MPDZ: variants seen among roughly 807,000 people sequenced by gnomAD.
MPDZ encodes the protein multiple PDZ domain protein.
MPDZ carries 234 observed loss-of-function variants against 239.1 expected under a neutral mutation model. The observed-to-expected ratio is 0.98, with a 90% CI of 0.88 to 1.09. The LOEUF is 1.09. MPDZ is among the 50% of genes least tolerant of loss of function. The pLI, the probability that MPDZ is intolerant of heterozygous loss-of-function variation, is 0.00. For missense variants in MPDZ, 3,175 were observed against 2,510.0 expected (o/e 1.26, Z -5.66); for synonymous variants, 1,048 against 881.3 (o/e 1.19, Z -3.35).
chr9:13,207,244 T>C (rs1397490441), intron 10 of MPDZ, among the ~76,000 whole-genome samples: 1 of 152,154 alleles, frequency 6.6e-6, no homozygotes, highest in African/African-American at 2.4e-5. Context: ...GTCCCGGTGA[T>C]CTTTCCAAAA....
chr9:13,201,406 T>C (rs938544768), intron 12 of MPDZ, among the ~76,000 whole-genome samples: 7 of 152,014 alleles, frequency 4.6e-5, no homozygotes, highest in African/African-American at 1.7e-4. Flanking sequence ...GGATTTCCTC[T>C]TTGTATTGAA....
intron 1 of MPDZ, among the ~76,000 whole-genome samples, chr9:13,272,786 A>ATT (rs1239333925): frequency 2.6e-5 from 4 of 151,922 alleles, no homozygotes; most frequent in Non-Finnish European, 5.9e-5. Context: ...AAAATGCAAT[A>ATT]CCCTGGGACA....
chr9:13,120,638 T>G (rs954603387), intron 38 of MPDZ: 3 of 152,252 alleles, frequency 2.0e-5, no homozygotes, highest in African/African-American at 7.2e-5. Context: ...TAAAAATAAT[T>G]AGCCTTTAGC....
At chr9:13,133,457 G>A (rs368685072) in intron 32 of MPDZ, among the ~76,000 whole-genome samples, 21 of 152,078 alleles carry the variant, frequency 1.4e-4, no homozygotes, top group East Asian at 1.2e-3. Context: ...TATAACTTCT[G>A]TTTCTTTATT....
intron 24 of MPDZ, among the ~76,000 whole-genome samples, chr9:13,155,674 C>T (rs1949731390): frequency 6.6e-6 from 1 of 152,060 alleles, no homozygotes; most frequent in Admixed American, 6.6e-5. Flanking sequence ...GCTAAAAATT[C>T]TCTATTTTCA....
At chr9:13,206,680 A>G (rs1331596122) in intron 10 of MPDZ, among the ~76,000 whole-genome samples, 1 of 151,876 alleles carries the variant, frequency 6.6e-6, no homozygotes, top group Non-Finnish European at 1.5e-5. Flanking sequence ...AATAGCTGGG[A>G]CTACAGGTGC....
chr9:13,149,801 TAAC>T (rs746424438), intron 25 of MPDZ, among the ~76,000 whole-genome samples: 72 of 151,996 alleles, frequency 4.7e-4, no homozygotes, highest in Non-Finnish European at 6.5e-4. Flanking sequence ...TTCTAACACA[TAAC>T]AAAATGCACA....
chr9:13,115,950 C>CAAAA (rs71491603), intron 39 of MPDZ, among the ~76,000 whole-genome samples: 9 of 40,584 alleles, frequency 2.2e-4, no homozygotes, highest in African/African-American at 5.9e-4. Flanking sequence ...GACTCCACCT[C>CAAAA]AAAAAAAAAA....
chr9:13,165,371 A>G (rs886937986), intron 22 of MPDZ: 3 of 1,549,414 alleles, frequency 1.9e-6, no homozygotes, highest in African/African-American at 2.7e-5. Flanking sequence ...ACTCACACAT[A>G]AAAGGGGGCT....
chr9:13,196,048 T>G, intron 13 of MPDZ, 73 bp downstream of exon 13: 2 of 935,230 alleles, frequency 2.1e-6, no homozygotes, highest in Non-Finnish European at 1.6e-6. Context: ...AATGATTGCC[T>G]CTATTATTCC....
chr9:13,233,908 T>C (rs1176682867), intron 3 of MPDZ, among the ~76,000 whole-genome samples: 1 of 152,000 alleles, frequency 6.6e-6, no homozygotes, highest in East Asian at 1.9e-4. Flanking sequence ...CTCCACAGGG[T>C]TGATGTGGAT....
At chr9:13,161,461 C>T (rs1352778447) in intron 23 of MPDZ, among the ~76,000 whole-genome samples, 1 of 152,002 alleles carries the variant, frequency 6.6e-6, no homozygotes, top group Non-Finnish European at 1.5e-5. Context: ...ATCCCAGCTA[C>T]TCAGGAGGCC....
At position 13,279,443 on chromosome 9, in the gene MPDZ, A is replaced by C. The variant is rs920496007; in HGVS notation, c.-101T>G. On this transcript the variant is annotated 5_prime_UTR_variant, in exon 1 of 47. Transcript: ENST00000319217. ...CCAGGGCCGCGACGCGAGGGGGCGG[A>C]GGACTGGGGAGCAGGGGTCGCCGGG... 1.4e-5 allele frequency: 2 copies of C among 147,438 alleles called. No individual in the cohort carries two copies. The highest frequency in any genetic ancestry group is 2.0e-4 in the East Asian group (1 of 4,940). 9.1% of individuals were successfully genotyped at this position (147,438 alleles called of 1,614,324 possible).
intron 1 of MPDZ, among the ~76,000 whole-genome samples, chr9:13,257,973 C>T (rs890740392): frequency 1.3e-5 from 2 of 152,188 alleles, no homozygotes; most frequent in African/African-American, 4.8e-5. Flanking sequence ...TTAGCTTTCA[C>T]GCTTCCTGTA....
chr9:13,279,021 C>T (rs1386883159), intron 1 of MPDZ: 1 of 152,190 alleles, frequency 6.6e-6, no homozygotes, highest in Non-Finnish European at 1.5e-5. Flanking sequence ...AAAGGAAAAA[C>T]TTTTAAACCT....
At chr9:13,129,675 C>T (rs1945663235) in intron 32 of MPDZ, among the ~76,000 whole-genome samples, 2 of 151,940 alleles carry the variant, frequency 1.3e-5, no homozygotes, top group Non-Finnish European at 2.9e-5. Context: ...CACTACCATA[C>T]AGGGAATAGA....
intron 1 of MPDZ, among the ~76,000 whole-genome samples, chr9:13,272,892 C>A (rs1168838904): frequency 6.6e-6 from 1 of 151,954 alleles, no homozygotes; most frequent in Admixed American, 6.6e-5. Context: ...AAGGGGGCTG[C>A]TATGGTCTGA....
intron 13 of MPDZ, among the ~76,000 whole-genome samples, chr9:13,194,798 C>T (rs538993773): frequency 2.0e-5 from 3 of 152,080 alleles, no homozygotes; most frequent in South Asian, 2.1e-4. Context: ...AATTACCACC[C>T]GAAGGACTGC....
chr9:13,259,799 G>A (rs1335507394), intron 1 of MPDZ, among the ~76,000 whole-genome samples: 1 of 152,076 alleles, frequency 6.6e-6, no homozygotes, highest in Non-Finnish European at 1.5e-5. Flanking sequence ...CTGAATTACT[G>A]AGGGTCCTCC....
Sources: allele counts gnomAD v4.1 joint callset (sites outside exome capture counted in the v4.1 genomes callset), GRCh38; gene constraint gnomAD v4.1.1; transcripts MANE v1.5; gene names NCBI Gene and HGNC (gene_info 2026-07-23, HGNC 2026-07-21).